The following AHRR variants were observed in gnomAD, a reference collection of about 807,000 sequenced individuals.
The protein encoded by AHRR is ahR repressor.
Under a neutral mutation model 44.0 loss-of-function variants are expected in AHRR, and 28 were observed. The observed-to-expected ratio is 0.64, with a 90% CI of 0.47 to 0.87. The LOEUF is 0.87. AHRR is among the 40% of genes least tolerant of loss of function. AHRR has a pLI of 0.00. For missense variants in AHRR, 990 were observed against 953.9 expected (o/e 1.04, Z -0.50); for synonymous variants, 434 against 407.0 (o/e 1.07, Z -0.80).
intron 5 of AHRR, among the ~76,000 whole-genome samples, chr5:415,569 G>C (rs112434627): frequency 0.01 from 510 of 49,136 alleles, 3 homozygotes; most frequent in Middle Eastern, 0.025. Flanking sequence ...GGCCGAATCT[G>C]CCTGGTCTGC....
chr5:355,218 A>G (rs1390370118), intron 3 of AHRR, among the ~76,000 whole-genome samples: 1 of 152,102 alleles, frequency 6.6e-6, no homozygotes, highest in African/African-American at 2.4e-5. Flanking sequence ...TATGTGCAGG[A>G]TGGCAGCTTT....
chr5:427,957 C>T lies in AHRR; in HGVS notation c.859C>T (p.Leu287Phe). 1 of 1,614,026 alleles carries T rather than the reference C, an allele frequency of 6.2e-7. No homozygotes were observed. The highest frequency in any genetic ancestry group is 8.5e-7 in the Non-Finnish European group (1 of 1,180,032). Residue 287 changes from leucine to phenylalanine, a missense_variant, in exon 8 of 11, where the codon CTC becomes TTC. Leu to Phe is a conservative substitution (Grantham distance 22). Coordinates refer to ENST00000684583, the MANE Select transcript of AHRR (RefSeq NM_001377236.1). ...SAAEMKMRSALLRAKPRADTA... is the reference protein window; with the variant it reads ...SAAEMKMRSAFLRAKPRADTA... ...AGCGGAGATGAAAATGAGGAGCGCGCTCCTGAGGGCAAAACCCAGAGCAGA... is the reference window on the plus strand; with the variant it reads ...AGCGGAGATGAAAATGAGGAGCGCGTTCCTGAGGGCAAAACCCAGAGCAGA...
chr5:350,246 A>G (rs1742812879), intron 2 of AHRR, among the ~76,000 whole-genome samples: 1 of 152,246 alleles, frequency 6.6e-6, no homozygotes, highest in South Asian at 2.1e-4. Context: ...ATCAAAGAAC[A>G]TGGTATATCT....
intron 4 of AHRR, among the ~76,000 whole-genome samples, chr5:392,548 T>A (rs1043489061): frequency 1.3e-5 from 2 of 152,076 alleles, no homozygotes; most frequent in Non-Finnish European, 2.9e-5. Context: ...AAAGACGGTG[T>A]CTGAAGCTGG....
intron 10 of AHRR, among the ~76,000 whole-genome samples, 191 bp from the exon 11 acceptor site, chr5:433,662 G>T (rs142921897): frequency 2.3e-3 from 344 of 151,904 alleles, no homozygotes; most frequent in Admixed American, 4.1e-3. Flanking sequence ...CGCAGTGGGG[G>T]TGGGGTGCTG....
chr5:371,655 G>A (rs1048228337), intron 3 of AHRR, among the ~76,000 whole-genome samples: 2 of 152,164 alleles, frequency 1.3e-5, no homozygotes, highest in African/African-American at 4.8e-5. Flanking sequence ...GACCAGTCCT[G>A]GACTCACAAG....
At chr5:371,872 C>T (rs184269756) in intron 3 of AHRR, among the ~76,000 whole-genome samples, 14 of 152,306 alleles carry the variant, frequency 9.2e-5, no homozygotes, top group African/African-American at 2.9e-4. Context: ...CTGTCCCTTC[C>T]AACGAGGATG....
intron 7 of AHRR, among the ~76,000 whole-genome samples, chr5:424,390 TG>T (rs1213903459): frequency 1.1e-5 from 1 of 91,878 alleles, no homozygotes; most frequent in Admixed American, 1.2e-4. Flanking sequence ...GTGTCCCTGG[TG>T]GGGGGGCGAG....
At chr5:399,425 A>C (rs766280553) in intron 4 of AHRR, among the ~76,000 whole-genome samples, 1 of 152,252 alleles carries the variant, frequency 6.6e-6, no homozygotes, top group African/African-American at 2.4e-5. Context: ...TTTTAAAAGC[A>C]TAAGTTTTGT....
intron 3 of AHRR, among the ~76,000 whole-genome samples, chr5:374,701 G>A (rs1201206929): frequency 3.3e-5 from 5 of 152,236 alleles, no homozygotes; most frequent in Non-Finnish European, 5.9e-5. Flanking sequence ...CGGTGCCACC[G>A]TCTCCGGGCT....
At chr5:393,385 C>G (rs148656386) in intron 4 of AHRR, among the ~76,000 whole-genome samples, 2,585 of 152,354 alleles carry the variant, frequency 0.017, 37 homozygotes, top group Middle Eastern at 0.051. Context: ...TTCCTCCTCC[C>G]GAGTGTTCCT....
intron 5 of AHRR, among the ~76,000 whole-genome samples, chr5:414,030 C>T (rs1023412657): frequency 1.3e-5 from 2 of 152,138 alleles, no homozygotes; most frequent in East Asian, 1.9e-4. Flanking sequence ...TTTGGGAGGC[C>T]GAGGCGGGTG....
intron 8 of AHRR, among the ~76,000 whole-genome samples, chr5:431,385 A>G (rs1269855276): frequency 6.6e-6 from 1 of 152,196 alleles, no homozygotes; most frequent in Non-Finnish European, 1.5e-5. Context: ...AAACTTGCCA[A>G]ACCAAGAATA....
rs539330607 is a variant in AHRR at position 339,015 on chromosome 5, T to C, written c.-10-4878T>C. Among the ~76,000 whole-genome samples the C allele has an allele frequency of 1.8e-4, 27 of 152,338 alleles. No homozygotes were observed. In the East Asian group the frequency reaches 3.1e-3, roughly 17 times the overall value. The stretch of plus-strand genomic sequence containing the variant: ...TCATTGCTAGTATCTAGAAACACAA[T>C]TTATTTTTGTATGTTATTATCCTTT... On this transcript the variant is annotated intron_variant, in intron 1 of 10. Coordinates refer to ENST00000684583, the MANE Select transcript of AHRR (RefSeq NM_001377236.1).
Position 434,093 on chromosome 5 carries a change from C to G in AHRR, c.1353C>G (p.His451Gln), listed in dbSNP as rs1166364688. 1.2e-6 allele frequency: 2 copies of G among 1,612,952 alleles called. No individual in the cohort carries two copies. Among genetic ancestry groups the G allele is most frequent in the Non-Finnish European group, 1.7e-6 (2 of 1,179,968 alleles). Residue 451 changes from histidine (H) to glutamine (Q), a missense_variant, in exon 11 of 11, where the codon CAC becomes CAG. Physicochemically the swap from His to Gln is conservative, Grantham distance 24. Coordinates refer to ENST00000684583, the MANE Select transcript of AHRR (RefSeq NM_001377236.1). The stretch of plus-strand genomic sequence containing the variant: ...CTTTCAGGAACTCGCCCATCTCTCA[C>G]CCGCCGAGCCCGTCCCCCAGTGCCT... ...QGTFRNSPISHPPSPSPSAYS... is the reference protein window; with the variant it reads ...QGTFRNSPISQPPSPSPSAYS...
At chr5:402,582 T>C (rs1346055625) in intron 4 of AHRR, among the ~76,000 whole-genome samples, 2 of 151,788 alleles carry the variant, frequency 1.3e-5, no homozygotes, top group Admixed American at 1.3e-4. Context: ...GGTAGATTAG[T>C]GTAGATGTGT....
chr5:344,850 G>T (rs1202619096), intron 2 of AHRR, among the ~76,000 whole-genome samples: 1 of 107,454 alleles, frequency 9.3e-6, no homozygotes, highest in African/African-American at 8.1e-5. Flanking sequence ...TGTGTGTGTG[G>T]GGTGTGTGAG....
At chr5:398,595 G>A (rs1446611894) in intron 4 of AHRR, among the ~76,000 whole-genome samples, 1 of 152,242 alleles carries the variant, frequency 6.6e-6, no homozygotes, top group East Asian at 1.9e-4. Flanking sequence ...CAGCACAGGT[G>A]AGGGTCCTGG....
chr5:431,904 TCAGATGGGTTTGAAC>T (rs1400939528), intron 8 of AHRR: 1 of 154,458 alleles, frequency 6.5e-6, no homozygotes, highest in Non-Finnish European at 1.4e-5. Context: ...GTGGGGCCAG[TCAGATGGGTTTGAAC>T]TCAACTCTGG....
Sources: gnomAD v4.1 joint callset for allele counts (sites outside exome capture counted in the v4.1 genomes callset) on GRCh38, gnomAD v4.1.1 for gene constraint, MANE v1.5 for transcripts, NCBI Gene and HGNC (gene_info 2026-07-23, HGNC 2026-07-21) for gene names.